LRRK1: variants seen among roughly 807,000 people sequenced by gnomAD.
The protein encoded by LRRK1 is leucine rich repeat kinase 1, also known as leucine-rich repeat serine/threonine-protein kinase 1.
Under a neutral mutation model 209.1 loss-of-function variants are expected in LRRK1, and 113 were observed. The ratio of observed to expected loss-of-function variants is 0.54; its 90% CI spans 0.46 to 0.63. The LOEUF is 0.63. Ranked by LOEUF, LRRK1 falls within the 30% of genes least tolerant of loss-of-function variation. LRRK1 has a pLI of 0.00. For missense variants in LRRK1, 2,284 were observed against 2,632.2 expected, an observed-to-expected ratio of 0.87 and a Z score of 2.89; for synonymous variants, 1,144 against 1,099.7, an observed-to-expected ratio of 1.04 and a Z score of -0.80.
intron 20 of LRRK1, among the ~76,000 whole-genome samples, chr15:101,032,788 C>T (rs908955379): frequency 1.3e-5 from 2 of 152,138 alleles, no homozygotes; most frequent in East Asian, 3.8e-4. Context: ...ATCTTGGTTT[C>T]TTTATCAAAA....
At chr15:100,956,498 C>G (rs1427990427) in intron 2 of LRRK1, among the ~76,000 whole-genome samples, 3 of 112,748 alleles carry the variant, frequency 2.7e-5, no homozygotes, top group Non-Finnish European at 5.0e-5. Context: ...CTCTGTCACC[C>G]CCAGGCTGGA....
chr15:101,015,262 C>A, intron 11 of LRRK1, 64 bp from the exon 12 acceptor site: 1 of 1,332,216 alleles, frequency 7.5e-7, no homozygotes, highest in Non-Finnish European at 1.1e-6. Flanking sequence ...ATTATAACAT[C>A]ACAGCCAAAA....
rs2034502973 is a variant in LRRK1, at chr15:101,036,590, T to C, written c.2963+7358T>C. On this transcript the variant is annotated intron_variant, in intron 20 of 33. Coordinates refer to ENST00000388948, the MANE Select transcript of LRRK1 (RefSeq NM_024652.6). ...CCTTTAGTATCAGAATTTTTAATTA[T>C]TTTTCCAGGATTTTATAAATTTGTT... 2.0e-5 allele frequency among the ~76,000 whole-genome samples: 3 copies of C among 152,234 alleles called. No homozygotes were observed. The South Asian group carries it at 6.2e-4, about 32-fold the overall frequency.
At chr15:100,950,482 G>A (rs1206510150) in intron 2 of LRRK1, among the ~76,000 whole-genome samples, 2 of 152,112 alleles carry the variant, frequency 1.3e-5, no homozygotes, top group African/African-American at 4.8e-5. Context: ...TACAAAAATG[G>A]CAAGATGATT....
At chr15:101,049,865 G>A in intron 23 of LRRK1, 82 bp downstream of exon 23, 1 of 1,448,276 alleles carries the variant, frequency 6.9e-7, no homozygotes, top group Non-Finnish European at 9.3e-7. Context: ...TTTCGGGGTG[G>A]ACAAAAATCC....
Position 101,021,159 on chromosome 15 carries a change from C to T in LRRK1, c.1716C>T (p.Ser572=), listed in dbSNP as rs778398260. The change falls in exon 13 of 34, where the codon AGC becomes AGT. Residue 572 remains serine, a synonymous_variant. Transcript: ENST00000388948. The part of the protein sequence containing the change: ...TVPPSVCLLK[S]LSELYLGNNP... ...CTCCCTCGGTTTGCCTACTGAAGAG[C>T]TTATCAGAGCTCTACTTGGGAAAGT... is the stretch of plus-strand genomic sequence containing the variant. 4 of 1,614,050 alleles carry T rather than the reference C, an allele frequency of 2.5e-6. No homozygotes were observed. Among genetic ancestry groups the T allele is most frequent in the East Asian group, 4.5e-5 (2 of 44,892 alleles).
intron 29 of LRRK1, among the ~76,000 whole-genome samples, chr15:101,058,545 A>G (rs1356777430): frequency 7.1e-6 from 1 of 140,322 alleles, no homozygotes; most frequent in African/African-American, 2.6e-5. Flanking sequence ...TTAAAAACGA[A>G]ATGAGGCCTG....
Position 101,053,108 on chromosome 15 carries a change from G to C in LRRK1, c.3856+20G>C, listed in dbSNP as rs1041345870. The stretch of plus-strand genomic sequence containing the variant: ...CGGCAGGTAAGCGGGTCCCAGGTTG[G>C]TGCTGTTTTTCTCAGACATATGCTG... On this transcript the variant is annotated intron_variant, in intron 25 of 33. Coordinates refer to ENST00000388948, the MANE Select transcript of LRRK1 (RefSeq NM_024652.6). 6.3e-7 allele frequency: 1 copy of C among 1,598,284 alleles called. No homozygotes were observed.
chr15:101,051,204 C>A (rs995868413), intron 23 of LRRK1, among the ~76,000 whole-genome samples: 2 of 152,262 alleles, frequency 1.3e-5, no homozygotes, highest in African/African-American at 4.8e-5. Context: ...TTTCTCTGCA[C>A]CTCCTCTCAG....
Position 101,066,692 on chromosome 15 carries a change from C to A in LRRK1, c.5821C>A (p.Arg1941=). 6.2e-7 allele frequency: 1 copy of A among 1,614,184 alleles called. No homozygotes were observed. The highest frequency in any genetic ancestry group is 1.1e-5 in the South Asian group (1 of 91,086). The change falls in exon 33 of 34, where the codon CGG becomes AGG. Residue 1941 remains arginine (R), a synonymous_variant. Transcript: ENST00000388948. ...CCTGGAGAAGGATTCTGGCGCCCAGCGGGGCCGAGTCATTGCCGTCTTAAA... is the reference window on the plus strand; with the variant it reads ...CCTGGAGAAGGATTCTGGCGCCCAGAGGGGCCGAGTCATTGCCGTCTTAAA... The part of the protein sequence containing the change: ...IGLEKDSGAQ[R]GRVIAVLKAR...
intron 3 of LRRK1, among the ~76,000 whole-genome samples, chr15:100,976,173 A>C (rs1013339515): frequency 6.7e-6 from 1 of 150,302 alleles, no homozygotes; most frequent in Non-Finnish European, 1.5e-5. Context: ...TAAATCAATC[A>C]TGTAAAACCT....
Position 101,062,588 on chromosome 15 carries a change from C to T in LRRK1, c.4812C>T (p.Tyr1604=). 6.2e-7 allele frequency: 1 copy of T among 1,613,294 alleles called. No homozygotes were observed. The highest frequency in any genetic ancestry group is 8.5e-7 in the Non-Finnish European group (1 of 1,179,306). ...LWTATEDQKI[Y]IYTLKGMCPL... ...TGCCTCTGCAGGACCAGAAAATCTACATCTACACCCTCAAGGGCATGTGCC... is the reference window on the plus strand; with the variant it reads ...TGCCTCTGCAGGACCAGAAAATCTATATCTACACCCTCAAGGGCATGTGCC... Residue 1604 remains tyrosine (Y), a synonymous_variant, in exon 31 of 34, where the codon TAC becomes TAT. Transcript: ENST00000388948.
At position 101,026,093 on chromosome 15, in the gene LRRK1, C is replaced by G; in HGVS notation, c.2361C>G (p.Gly787=). 1 of 1,614,274 alleles carries G rather than the reference C, an allele frequency of 6.2e-7. No homozygotes were observed. ...TGGCACTCTGCCGCTCCCCCTCCGG[C>G]TCCAGGGCCACAGGCTTCCCAGACA... ...YVLALCRSPS[G]SRATGFPDIT... is the part of the protein sequence containing the mutation. The change falls in exon 17 of 34, where the codon GGC becomes GGG. Residue 787 remains glycine (G), a synonymous_variant. Transcript: ENST00000388948.
intron 20 of LRRK1, among the ~76,000 whole-genome samples, chr15:101,031,283 G>A (rs1324569147): frequency 1.3e-5 from 2 of 152,180 alleles, no homozygotes; most frequent in Non-Finnish European, 2.9e-5. Flanking sequence ...TCCCATCCGT[G>A]TCAGCACCAG....
At chr15:101,042,258 A>G (rs2034798327) in intron 20 of LRRK1, among the ~76,000 whole-genome samples, 1 of 127,892 alleles carries the variant, frequency 7.8e-6, no homozygotes, top group African/African-American at 2.7e-5. Flanking sequence ...AAATGTCTTT[A>G]TTAACACTCT....
At chr15:100,959,853 C>T (rs759364829) in intron 2 of LRRK1, among the ~76,000 whole-genome samples, 2 of 152,256 alleles carry the variant, frequency 1.3e-5, no homozygotes, top group Non-Finnish European at 2.9e-5. Context: ...GAGTTCAGTT[C>T]TTCCTGTAAC....
At chr15:100,952,978 A>G (rs1037085230) in intron 2 of LRRK1, among the ~76,000 whole-genome samples, 16 of 152,200 alleles carry the variant, frequency 1.1e-4, no homozygotes, top group African/African-American at 3.9e-4. Flanking sequence ...CACTTACTTT[A>G]CAGTTTTATT....
chr15:100,933,340 G>A (rs1265136032), intron 2 of LRRK1, among the ~76,000 whole-genome samples: 1 of 152,102 alleles, frequency 6.6e-6, no homozygotes, highest in Non-Finnish European at 1.5e-5. Context: ...CTGCTGCTTG[G>A]CACTGGGTGG....
chr15:100,959,299 C>T lies in LRRK1; in HGVS notation c.98-14505C>T, dbSNP rs143982487. Among the ~76,000 whole-genome samples, 933 of 152,260 alleles carry T rather than the reference C, an allele frequency of 6.1e-3. 9 individuals are homozygous for T. Among genetic ancestry groups the T allele is most frequent in the East Asian group, 0.012 (60 of 5,176 alleles). On this transcript the variant is annotated intron_variant, in intron 2 of 33. Transcript: ENST00000388948. ...GTGATACAGTCTAGATAGGCACCCA[C>T]GGCAGTGAGTAAGCAGAACCCAGCC...
Sources: gnomAD v4.1 joint callset for allele counts (sites outside exome capture counted in the v4.1 genomes callset) on GRCh38, gnomAD v4.1.1 for gene constraint, MANE v1.5 for transcripts, NCBI Gene and HGNC (gene_info 2026-07-23, HGNC 2026-07-21) for gene names.